Variants in TRIM44 observed in about 807,000 individuals in gnomAD.
TRIM44 encodes the protein tripartite motif containing 44.
In TRIM44, 13 loss-of-function variants were observed where a neutral mutation model predicts 37.4. That is an observed-to-expected ratio of 0.35 (90% CI 0.23 to 0.55). The LOEUF (loss-of-function observed/expected upper bound fraction) is 0.55. Among genes scored for constraint, TRIM44 ranks in the 20% least tolerant of loss-of-function variants. The pLI, the probability that TRIM44 is intolerant of heterozygous loss-of-function variation, is 0.89. For missense variants in TRIM44, 426 were observed against 437.2 expected (o/e 0.97, Z 0.23); for synonymous variants, 175 against 157.2 (o/e 1.11, Z -0.85).
At chr11:35,676,938 T>G (rs2135486578) in intron 1 of TRIM44, among the ~76,000 whole-genome samples, 1 of 152,350 alleles carries the variant, frequency 6.6e-6, no homozygotes, top group Non-Finnish European at 1.5e-5. Flanking sequence ...GTTTTGAGAC[T>G]GTTGTTGAAT....
chr11:35,695,889 CTTT>C (rs34010461), intron 2 of TRIM44, among the ~76,000 whole-genome samples: 2 of 139,990 alleles, frequency 1.4e-5, no homozygotes. Context: ...GAAGATTAAA[CTTT>C]TTTTTTTTTT....
At chr11:35,798,110 G>A (rs1445720490) in intron 4 of TRIM44, among the ~76,000 whole-genome samples, 1 of 152,138 alleles carries the variant, frequency 6.6e-6, no homozygotes, top group African/African-American at 2.4e-5. Flanking sequence ...AGAAAGGCAG[G>A]ACAACTTGAA....
At chr11:35,775,013 T>C (rs888523509) in intron 4 of TRIM44, among the ~76,000 whole-genome samples, 6 of 152,198 alleles carry the variant, frequency 3.9e-5, no homozygotes, top group African/African-American at 1.4e-4. Flanking sequence ...AGAAAGTCAT[T>C]GGTAGCTTGA....
At chr11:35,700,578 C>G (rs1851774268) in intron 2 of TRIM44, among the ~76,000 whole-genome samples, 1 of 152,202 alleles carries the variant, frequency 6.6e-6, no homozygotes, top group South Asian at 2.1e-4. Flanking sequence ...AATCCTTTCA[C>G]AACAACACAG....
chr11:35,708,458 C>A (rs1229539865), intron 2 of TRIM44, among the ~76,000 whole-genome samples: 2 of 151,912 alleles, frequency 1.3e-5, no homozygotes, highest in Non-Finnish European at 2.9e-5. Context: ...AAGACACATG[C>A]ACATGTATGT....
intron 4 of TRIM44, among the ~76,000 whole-genome samples, chr11:35,756,407 T>C (rs1170439577): frequency 6.6e-6 from 1 of 152,228 alleles, no homozygotes; most frequent in South Asian, 2.1e-4. Flanking sequence ...GATTTTGGGC[T>C]GAGACGATGG....
intron 4 of TRIM44, among the ~76,000 whole-genome samples, chr11:35,749,295 CTCAT>C (rs1852532557): frequency 6.6e-6 from 1 of 152,224 alleles, no homozygotes; most frequent in Non-Finnish European, 1.5e-5. Context: ...TTTAAGGAGA[CTCAT>C]TAATCCTTCT....
intron 4 of TRIM44, among the ~76,000 whole-genome samples, chr11:35,761,167 A>C (rs1852720529): frequency 6.6e-6 from 1 of 152,118 alleles, no homozygotes; most frequent in Admixed American, 6.5e-5. Context: ...GTGTATATAT[A>C]CTACATTTTA....
chr11:35,782,525 C>A (rs185208577), intron 4 of TRIM44, among the ~76,000 whole-genome samples: 3 of 152,196 alleles, frequency 2.0e-5, no homozygotes, highest in Non-Finnish European at 2.9e-5. Flanking sequence ...GTCAGGACTG[C>A]CATGTGTCTC....
chr11:35,697,674 A>G (rs1428256904), intron 2 of TRIM44, among the ~76,000 whole-genome samples: 26 of 149,762 alleles, frequency 1.7e-4, no homozygotes, highest in African/African-American at 5.9e-4. Flanking sequence ...TCATTGTTCA[A>G]TTCCCACCTA....
At position 35,810,398 on chromosome 11, in the gene TRIM44, TG is replaced by T. The variant is rs1853514413; in HGVS notation, c.*4015del. 1 of 152,192 alleles carries T rather than the reference TG, an allele frequency of 6.6e-6. No individual in the cohort carries two copies. Among genetic ancestry groups the T allele is most frequent in the Non-Finnish European group, 1.5e-5 (1 of 68,038 alleles). 9.4% of individuals were successfully genotyped at this position (152,192 alleles called of 1,614,324 possible). On this transcript the variant is annotated 3_prime_UTR_variant, in exon 5 of 5. Coordinates refer to ENST00000299413, the MANE Select transcript of TRIM44 (RefSeq NM_017583.6). Reference sequence around the variant, plus strand: ...TTTTATGTTTAAAAAAATCTCATTATGGATTGAGTCCAGCCCAGCTCTAAGA... The same window carrying T: ...TTTTATGTTTAAAAAAATCTCATTATGATTGAGTCCAGCCCAGCTCTAAGA...
chr11:35,741,048 C>G (rs560942091), intron 4 of TRIM44, among the ~76,000 whole-genome samples: 1 of 151,788 alleles, frequency 6.6e-6, no homozygotes, highest in Non-Finnish European at 1.5e-5. Context: ...TTTCTTTTGT[C>G]TTCTGATTGC....
At chr11:35,784,436 T>G (rs967668608) in intron 4 of TRIM44, among the ~76,000 whole-genome samples, 1 of 152,218 alleles carries the variant, frequency 6.6e-6, no homozygotes, top group African/African-American at 2.4e-5. Context: ...CTAAGTTTCT[T>G]TAAAATACTA....
chr11:35,663,390 C>G lies in TRIM44; in HGVS notation c.279C>G (p.Ser93Arg). The G allele has an allele frequency of 1.2e-6, 2 of 1,604,714 alleles. No individual in the cohort carries two copies. The highest frequency in any genetic ancestry group is 1.7e-6 in the Non-Finnish European group (2 of 1,175,234). The change falls in exon 1 of 5, where the codon AGC (serine) becomes AGG (arginine). Residue 93 changes from serine to arginine, a missense_variant. Transcript: ENST00000299413. Reference protein sequence around the residue: ...VKVEQEREIESEAGEESESEE... With the variant: ...VKVEQEREIEREAGEESESEE... ...TGGAGCAGGAGAGGGAGATAGAAAG[C>G]GAGGCAGGGGAAGAGAGTGAGTCGG...
chr11:35,689,187 C>T (rs1715198049), intron 2 of TRIM44, among the ~76,000 whole-genome samples: 1 of 152,104 alleles, frequency 6.6e-6, no homozygotes. Context: ...GATCAAAGCT[C>T]CCTGCCATGG....
chr11:35,728,752 A>G (rs1257281417), intron 3 of TRIM44, among the ~76,000 whole-genome samples: 1 of 152,184 alleles, frequency 6.6e-6, no homozygotes, highest in Non-Finnish European at 1.5e-5. Flanking sequence ...AAAATTTTTT[A>G]AACATACACC....
intron 4 of TRIM44, among the ~76,000 whole-genome samples, chr11:35,747,177 C>T (rs1191562783): frequency 6.6e-6 from 1 of 152,190 alleles, no homozygotes. Context: ...CTAGTTAAAA[C>T]TCACTAAGCT....
chr11:35,662,917 G>A lies in TRIM44; in HGVS notation c.-195G>A, dbSNP rs1397345372. ...GGGACAGAGCGGAGCAGGCCGAGCC[G>A]GCGGAAAGGGTCTTTGCTGCTGCGC... On this transcript the variant is annotated 5_prime_UTR_variant, in exon 1 of 5. Transcript: ENST00000299413. 6.5e-6 allele frequency: 6 copies of A among 918,914 alleles called. No homozygotes were observed. In the African/African-American group the frequency reaches 1.0e-4, roughly 16 times the overall value. The allele number at this position is 918,914 out of a possible 1,614,324, so 56.9% of individuals were successfully genotyped here. A position where few individuals can be genotyped will look rare whatever the true frequency, so the allele number is the denominator to read the frequency against.
At chr11:35,698,198 G>C (rs906797212) in intron 2 of TRIM44, among the ~76,000 whole-genome samples, 52 of 148,494 alleles carry the variant, frequency 3.5e-4, no homozygotes, top group Non-Finnish European at 7.1e-4. Context: ...TTGGACATTT[G>C]GGTTGGTTCC....
Sources: allele counts gnomAD v4.1 joint callset (sites outside exome capture counted in the v4.1 genomes callset), GRCh38; gene constraint gnomAD v4.1.1; transcripts MANE v1.5; gene names NCBI Gene and HGNC (gene_info 2026-07-23, HGNC 2026-07-21).